The following SLC9C1 variants were observed in gnomAD, a reference collection of about 807,000 sequenced individuals.
SLC9C1 encodes the protein solute carrier family 9 member C1, also known as sodium/hydrogen exchanger 10.
A neutral mutation model predicts 140.9 loss-of-function variants in SLC9C1; 97 were observed. The observed-to-expected ratio is 0.69, with a 90% CI of 0.58 to 0.82. The LOEUF (loss-of-function observed/expected upper bound fraction) is 0.82, where lower values mean the gene tolerates loss of function less well. Ranked by LOEUF, SLC9C1 falls within the 40% of genes least tolerant of loss-of-function variation. SLC9C1 has a pLI of 0.00. For missense variants in SLC9C1, 1,340 were observed against 1,389.3 expected (o/e 0.96, Z 0.56); for synonymous variants, 440 against 442.6 (o/e 0.99, Z 0.07).
At chr3:112,211,210 A>C (rs1176088787) in intron 15 of SLC9C1, among the ~76,000 whole-genome samples, 4 of 152,216 alleles carry the variant, frequency 2.6e-5, no homozygotes, top group Admixed American at 6.5e-5. Context: ...ATTTTGCAAA[A>C]TATTCAGGAT....
intron 16 of SLC9C1, 64 bp downstream of exon 16, chr3:112,208,114 C>T: frequency 7.7e-7 from 1 of 1,293,222 alleles, no homozygotes. Flanking sequence ...TGTTGAAAAA[C>T]AAGGCTAGGA....
At chr3:112,188,803 A>G (rs1401053869) in intron 20 of SLC9C1, among the ~76,000 whole-genome samples, 1 of 152,182 alleles carries the variant, frequency 6.6e-6, no homozygotes, top group Non-Finnish European at 1.5e-5. Flanking sequence ...TCCTTGAGGA[A>G]TCATCACTGT....
intron 23 of SLC9C1, among the ~76,000 whole-genome samples, chr3:112,177,929 T>A (rs964518212): frequency 1.3e-5 from 2 of 151,288 alleles, no homozygotes; most frequent in African/African-American, 2.4e-5. Flanking sequence ...GATAGAGATA[T>A]TTTAAATATA....
chr3:112,239,071 C>A (rs1261589496), intron 12 of SLC9C1, among the ~76,000 whole-genome samples: 2 of 152,246 alleles, frequency 1.3e-5, no homozygotes, highest in African/African-American at 2.4e-5. Flanking sequence ...TCTACAGAGG[C>A]AGGCAGGCCT....
chr3:112,157,205 A>T (rs2075150160), intron 26 of SLC9C1, among the ~76,000 whole-genome samples: 1 of 152,004 alleles, frequency 6.6e-6, no homozygotes, highest in Non-Finnish European at 1.5e-5. Flanking sequence ...ATATGGTAAT[A>T]GATGGGAAAC....
At chr3:112,150,665 G>A (rs763163252) in intron 28 of SLC9C1, among the ~76,000 whole-genome samples, 1 of 149,028 alleles carries the variant, frequency 6.7e-6, no homozygotes, top group Non-Finnish European at 1.5e-5. Flanking sequence ...TTTTTTATAG[G>A]GTATTTTAAG....
chr3:112,150,821 C>CATATATAT (rs1222212248), intron 28 of SLC9C1, among the ~76,000 whole-genome samples: 1 of 19,900 alleles, frequency 5.0e-5, no homozygotes, highest in African/African-American at 1.8e-4. Flanking sequence ...AATACATATA[C>CATATATAT]ATATATATAT....
intron 18 of SLC9C1, 45 bp downstream of exon 18, chr3:112,202,205 T>C: frequency 6.2e-7 from 1 of 1,602,816 alleles, no homozygotes; most frequent in Non-Finnish European, 8.5e-7. Flanking sequence ...TGAGGGCAAC[T>C]GAGGGCTGAG....
At chr3:112,288,042 CAAAAAAAAAAAAA>C (rs11462109) in intron 1 of SLC9C1, among the ~76,000 whole-genome samples, 17 of 81,804 alleles carry the variant, frequency 2.1e-4, no homozygotes, top group African/African-American at 7.2e-4. Context: ...GACTCCGTCT[CAAAAAAAAAAAAA>C]AAAAAAAAAG....
In SLC9C1 at chr3:112,205,734, G is replaced by C. The variant is rs553129054; in HGVS notation, c.1987-1331C>G. ...ACTATCTGATCTTTGACAAACCTGA[G>C]AAAAACAAGCAATGGGGAAAGGATT... On this transcript the variant is annotated intron_variant, in intron 16 of 28. Coordinates refer to ENST00000305815, the MANE Select transcript of SLC9C1 (RefSeq NM_183061.3). 8.6e-5 allele frequency among the ~76,000 whole-genome samples: 12 copies of C among 139,664 alleles called. No homozygotes were observed. The South Asian group carries it at 2.4e-3, about 28-fold the overall frequency. The allele number at this position is 139,664 out of a possible 152,430, so 91.6% of individuals were successfully genotyped here.
chr3:112,239,976 T>A lies in SLC9C1; in HGVS notation c.1310A>T (p.Lys437Ile), dbSNP rs2079097133. Residue 437 changes from lysine (K) to isoleucine (I), a missense_variant, in exon 12 of 29, where the codon AAA (lysine) becomes ATA (isoleucine). Transcript: ENST00000305815. ...GLRDATSTKY[K>I]SVCCTFQHFQ... ...GTGTTGAAATGTGCAACAAACCGAT[T>A]TATATTTTGTTGATGTGGCATCACG... The A allele has an allele frequency of 6.2e-7, 1 of 1,612,202 alleles. No homozygotes were observed. Among genetic ancestry groups the A allele is most frequent in the Admixed American group, 1.7e-5 (1 of 59,654 alleles).
intron 23 of SLC9C1, among the ~76,000 whole-genome samples, chr3:112,171,383 T>A (rs568931947): frequency 6.6e-6 from 1 of 152,340 alleles, no homozygotes; most frequent in Admixed American, 6.5e-5. Context: ...AACATCTTCA[T>A]GTGTTTATTG....
At chr3:112,236,843 TTTCTC>T (rs2108201087) in intron 12 of SLC9C1, among the ~76,000 whole-genome samples, 1 of 151,838 alleles carries the variant, frequency 6.6e-6, no homozygotes, top group African/African-American at 2.4e-5. Context: ...ATTGTTGTGA[TTTCTC>T]TTCTTTTACA....
At chr3:112,271,530 TGAAA>T (rs2080078433) in intron 6 of SLC9C1, among the ~76,000 whole-genome samples, 1 of 151,988 alleles carries the variant, frequency 6.6e-6, no homozygotes. Flanking sequence ...GTTTCTGTGT[TGAAA>T]GAGTTTATTT....
rs754212706 is a variant in SLC9C1, at chr3:112,182,117, G to A, written c.2649+16C>T. On this transcript the variant is annotated intron_variant, in intron 21 of 28. Transcript: ENST00000305815. ...AGTACATTAAAAATATTATTAATAGGAAATAAAAGTGTTACCTGAATGAAG... is the reference window on the plus strand; with the variant it reads ...AGTACATTAAAAATATTATTAATAGAAAATAAAAGTGTTACCTGAATGAAG... The A allele has an allele frequency of 1.4e-6, 2 of 1,458,606 alleles. No individual in the cohort carries two copies. The highest frequency in any genetic ancestry group is 3.0e-5 in the South Asian group (2 of 67,706). 90.4% of individuals were successfully genotyped at this position (1,458,606 alleles called of 1,614,324 possible).
At chr3:112,221,691 T>C (rs1427661105) in intron 13 of SLC9C1, among the ~76,000 whole-genome samples, 1 of 152,002 alleles carries the variant, frequency 6.6e-6, no homozygotes, top group Non-Finnish European at 1.5e-5. Flanking sequence ...TTGTAACTTA[T>C]ATAATTATTT....
At chr3:112,172,925 A>G (rs1300145197) in intron 23 of SLC9C1, among the ~76,000 whole-genome samples, 4 of 152,048 alleles carry the variant, frequency 2.6e-5, no homozygotes, top group East Asian at 1.9e-4. Flanking sequence ...TCCTTTTAAT[A>G]TATTCTTAGA....
At chr3:112,155,185 T>G in intron 26 of SLC9C1, 136 bp from the exon 27 acceptor site, 1 of 637,756 alleles carries the variant, frequency 1.6e-6, no homozygotes. Context: ...TAATCTCATT[T>G]GGTTAAAAAA....
At chr3:112,267,008 C>T (rs902005889) in intron 7 of SLC9C1, among the ~76,000 whole-genome samples, 2 of 152,166 alleles carry the variant, frequency 1.3e-5, no homozygotes, top group African/African-American at 2.4e-5. Context: ...TAGATAGGCA[C>T]GGTGGCTCAT....
Sources: allele counts gnomAD v4.1 joint callset (sites outside exome capture counted in the v4.1 genomes callset), GRCh38; gene constraint gnomAD v4.1.1; transcripts MANE v1.5; gene names NCBI Gene and HGNC (gene_info 2026-07-23, HGNC 2026-07-21).